The following KSR2 variants were observed in gnomAD, a reference collection of about 807,000 sequenced individuals.
The protein encoded by KSR2 is kinase suppressor of ras 2.
In KSR2, 25 loss-of-function variants were observed where a neutral mutation model predicts 107.8. The observed-to-expected ratio is 0.23, with a 90% CI of 0.17 to 0.32. The LOEUF (loss-of-function observed/expected upper bound fraction) is 0.32, where lower values mean the gene tolerates loss of function less well. KSR2 is among the 10% of genes least tolerant of loss of function. KSR2 has a pLI of 1.00. For missense variants in KSR2, 887 were observed against 1,268.9 expected, an observed-to-expected ratio of 0.70 and a Z score of 4.57; for synonymous variants, 480 against 507.0, an observed-to-expected ratio of 0.95 and a Z score of 0.71.
rs192515879 is a variant in KSR2, at chr12:117,583,007, T to C, written c.1172-648A>G. Among the ~76,000 whole-genome samples the C allele has an allele frequency of 1.2e-3, 189 of 152,336 alleles. 1 individual carries two copies. The highest frequency in any genetic ancestry group is 2.1e-3 in the Admixed American group (32 of 15,304). Reference sequence around the variant, plus strand: ...CACTTATTTTAAAAAGCAAACCCTATGCAGAAAGCCATATCAATTTCTGTA... The same window carrying C: ...CACTTATTTTAAAAAGCAAACCCTACGCAGAAAGCCATATCAATTTCTGTA... On this transcript the variant is annotated intron_variant, in intron 5 of 19. Transcript: ENST00000339824.
At chr12:117,564,902 C>T (rs1377715065) in intron 7 of KSR2, among the ~76,000 whole-genome samples, 2 of 152,196 alleles carry the variant, frequency 1.3e-5, no homozygotes, top group Non-Finnish European at 2.9e-5. Flanking sequence ...TCTTATAAAT[C>T]GTATCCCTCT....
At chr12:117,540,231 C>T (rs955735099) in intron 9 of KSR2, among the ~76,000 whole-genome samples, 1 of 152,162 alleles carries the variant, frequency 6.6e-6, no homozygotes, top group Non-Finnish European at 1.5e-5. Flanking sequence ...CCCCTCCCAT[C>T]CCAACACCTC....
chr12:117,475,514 A>G (rs909260020), intron 17 of KSR2, among the ~76,000 whole-genome samples: 1 of 152,146 alleles, frequency 6.6e-6, no homozygotes, highest in Non-Finnish European at 1.5e-5. Context: ...GCTCAGGATT[A>G]TCATCTCCTG....
At chr12:117,560,453 T>C (rs528811287) in intron 7 of KSR2, among the ~76,000 whole-genome samples, 1 of 151,412 alleles carries the variant, frequency 6.6e-6, no homozygotes, top group Middle Eastern at 3.4e-3. Flanking sequence ...TATGAGACAA[T>C]GCTGAATCAC....
At chr12:117,875,406 G>A (rs1374776257) in intron 1 of KSR2, among the ~76,000 whole-genome samples, 2 of 151,278 alleles carry the variant, frequency 1.3e-5, no homozygotes, top group Non-Finnish European at 2.9e-5. Flanking sequence ...CACCATGGGG[G>A]CCTTCTAGGG....
intron 1 of KSR2, among the ~76,000 whole-genome samples, chr12:117,945,858 GAT>G (rs1896165065): frequency 6.6e-6 from 1 of 152,008 alleles, no homozygotes; most frequent in Non-Finnish European, 1.5e-5. Flanking sequence ...AAGGAGAGGA[GAT>G]ATACTTCTGG....
At chr12:117,843,612 G>A (rs1294998777) in intron 3 of KSR2, among the ~76,000 whole-genome samples, 1 of 152,210 alleles carries the variant, frequency 6.6e-6, no homozygotes, top group Non-Finnish European at 1.5e-5. Context: ...ATGGGTTGAA[G>A]GCAATGGGGA....
At chr12:117,501,766 C>T (rs1592932840) in intron 14 of KSR2, among the ~76,000 whole-genome samples, 1 of 152,232 alleles carries the variant, frequency 6.6e-6, no homozygotes, top group East Asian at 1.9e-4. Context: ...GAACTACCCG[C>T]TGCCACCCAT....
chr12:117,660,971 G>C (rs1398590154), intron 5 of KSR2, among the ~76,000 whole-genome samples: 1 of 152,188 alleles, frequency 6.6e-6, no homozygotes, highest in Non-Finnish European at 1.5e-5. Context: ...AGTGTGCAGG[G>C]CACAGAAGGA....
At chr12:117,480,511 C>A (rs1197001985) in intron 16 of KSR2, among the ~76,000 whole-genome samples, 3 of 152,148 alleles carry the variant, frequency 2.0e-5, no homozygotes, top group South Asian at 4.1e-4. Context: ...TTCTTGACGA[C>A]GGCAGAACAG....
chr12:117,900,970 C>T (rs547595643), intron 1 of KSR2, among the ~76,000 whole-genome samples: 24 of 152,282 alleles, frequency 1.6e-4, no homozygotes, highest in African/African-American at 5.5e-4. Context: ...GACCAAAACA[C>T]GGTTTCATCT....
rs1390058915 is a variant in KSR2 at position 117,530,991 on chromosome 12, C to T, written c.1752G>A (p.Thr584=). 2.5e-6 allele frequency: 4 copies of T among 1,613,544 alleles called. No individual in the cohort carries two copies. The highest frequency in any genetic ancestry group is 1.1e-5 in the South Asian group (1 of 91,002). The change falls in exon 12 of 20, where the codon ACG becomes ACA. Residue 584 remains threonine, a synonymous_variant. Coordinates refer to ENST00000339824, the MANE Select transcript of KSR2 (RefSeq NM_173598.6). ...GGATGACCTGGGGCGCCCGGGTCGG[C>T]GTCTCCGGCACCGGCACCACATCTG... ...IFPDVVPVPE[T]PTRAPQVILH...
intron 1 of KSR2, among the ~76,000 whole-genome samples, chr12:117,918,150 A>G (rs1593367984): frequency 1.3e-5 from 2 of 152,346 alleles, no homozygotes; most frequent in South Asian, 4.1e-4. Flanking sequence ...GACCTAGCCA[A>G]CAGGCAGTTG....
At chr12:117,879,154 G>A (rs993316165) in intron 1 of KSR2, among the ~76,000 whole-genome samples, 1 of 152,064 alleles carries the variant, frequency 6.6e-6, no homozygotes, top group Non-Finnish European at 1.5e-5. Context: ...TGAAGTTCTA[G>A]GAAGATCCAG....
intron 1 of KSR2, among the ~76,000 whole-genome samples, chr12:117,959,804 A>C (rs1477853166): frequency 1.3e-5 from 2 of 151,962 alleles, no homozygotes; most frequent in Non-Finnish European, 2.9e-5. Context: ...GGTGATGCAC[A>C]TCTGCAGTCC....
chr12:117,613,716 G>A (rs973857041), intron 5 of KSR2, among the ~76,000 whole-genome samples: 1 of 152,198 alleles, frequency 6.6e-6, no homozygotes, highest in Non-Finnish European at 1.5e-5. Flanking sequence ...CTTGAAGCAT[G>A]GTTTCTCTGC....
rs1003964332 is a variant in KSR2 at position 117,907,411 on chromosome 12, A to T, written c.181-46980T>A. 1.3e-5 allele frequency among the ~76,000 whole-genome samples: 2 copies of T among 152,158 alleles called. No individual in the cohort carries two copies. Among genetic ancestry groups the T allele is most frequent in the African/African-American group, 4.8e-5 (2 of 41,434 alleles). On this transcript the variant is annotated intron_variant, in intron 1 of 19. Coordinates refer to ENST00000339824, the MANE Select transcript of KSR2 (RefSeq NM_173598.6). This position sits in a 1 kb window ranked among gnomAD's most constrained non-coding sequence, Gnocchi z 4.3. ...CCAGGTGTGCTGGGTCTGCGTGCTCAAGACGACGCTCAGCAGGTATCTCAG... is the reference window on the plus strand; with the variant it reads ...CCAGGTGTGCTGGGTCTGCGTGCTCTAGACGACGCTCAGCAGGTATCTCAG...
chr12:117,839,003 T>C (rs1892355922), intron 3 of KSR2, among the ~76,000 whole-genome samples: 1 of 152,188 alleles, frequency 6.6e-6, no homozygotes, highest in Non-Finnish European at 1.5e-5. Flanking sequence ...CCAATAAAAC[T>C]TTATTTACAA....
chr12:117,954,246 C>G (rs1896444566), intron 1 of KSR2, among the ~76,000 whole-genome samples: 1 of 152,164 alleles, frequency 6.6e-6, no homozygotes, highest in South Asian at 2.1e-4. Context: ...AAGGGTCCCC[C>G]CTACCTTTAC....
Sources: allele counts gnomAD v4.1 joint callset (sites outside exome capture counted in the v4.1 genomes callset), GRCh38; gene constraint gnomAD v4.1.1; non-coding constraint Gnocchi (gnomAD v3.1); transcripts MANE v1.5; gene names NCBI Gene and HGNC (gene_info 2026-07-23, HGNC 2026-07-21).